The following KCNQ3 variants were observed in gnomAD, a reference collection of about 807,000 sequenced individuals.
KCNQ3 encodes the protein potassium voltage-gated channel subfamily KQT member 3.
Under a neutral mutation model 92.5 loss-of-function variants are expected in KCNQ3, and 30 were observed. The observed-to-expected ratio is 0.32, with a 90% CI of 0.24 to 0.44. The LOEUF (loss-of-function observed/expected upper bound fraction) is 0.44, where lower values mean the gene tolerates loss of function less well. KCNQ3 is among the 20% of genes least tolerant of loss of function. The probability of loss-of-function intolerance (pLI) is 1.00; values close to 1 mark genes in which losing one functional copy is unlikely to be tolerated. For synonymous variants in KCNQ3, 450 were observed against 468.8 expected (o/e 0.96, Z 0.52); for missense variants, 913 against 1,140.3 (o/e 0.80, Z 2.87).
At chr8:132,207,500 A>G (rs902521893) in intron 1 of KCNQ3, among the ~76,000 whole-genome samples, 2 of 152,204 alleles carry the variant, frequency 1.3e-5, no homozygotes, top group South Asian at 2.1e-4. Flanking sequence ...AATTACCTCA[A>G]GTAGGCATTT....
At chr8:132,476,611 C>T (rs1363665359) in intron 1 of KCNQ3, among the ~76,000 whole-genome samples, 1 of 152,198 alleles carries the variant, frequency 6.6e-6, no homozygotes, top group Non-Finnish European at 1.5e-5. Context: ...GCCAATTTCT[C>T]CCGTTTGCAA....
chr8:132,392,401 C>T (rs1190859141), intron 1 of KCNQ3, among the ~76,000 whole-genome samples: 2 of 152,074 alleles, frequency 1.3e-5, no homozygotes, highest in African/African-American at 4.8e-5. Context: ...CTTCCTAAAT[C>T]TTCCCCGGCC....
chr8:132,357,044 G>A (rs1819037583), intron 1 of KCNQ3, among the ~76,000 whole-genome samples: 1 of 149,996 alleles, frequency 6.7e-6, no homozygotes, highest in Non-Finnish European at 1.5e-5. Flanking sequence ...CAAAAACTAA[G>A]GGCCTTGGAA....
At chr8:132,438,548 G>A (rs1821454001) in intron 1 of KCNQ3, among the ~76,000 whole-genome samples, 1 of 152,078 alleles carries the variant, frequency 6.6e-6, no homozygotes. Context: ...CCTTACCCAA[G>A]GGAACCCCTG....
At position 132,428,149 on chromosome 8, in the gene KCNQ3, A is replaced by G. The variant is rs139991620; in HGVS notation, c.386+51998T>C. 1.1e-3 allele frequency among the ~76,000 whole-genome samples: 172 copies of G among 151,256 alleles called. No individual in the cohort carries two copies. In the East Asian group the frequency reaches 0.019, roughly 16 times the overall value. ...CTGCACCTCTGCTCTCTCAATACCC[A>G]TCTTCCTCTTTGAAACTGTCCTCCT... On this transcript the variant is annotated intron_variant, in intron 1 of 14. Coordinates refer to ENST00000388996, the MANE Select transcript of KCNQ3 (RefSeq NM_004519.4).
At chr8:132,468,559 G>A (rs1034636411) in intron 1 of KCNQ3, among the ~76,000 whole-genome samples, 5 of 152,268 alleles carry the variant, frequency 3.3e-5, no homozygotes, top group Non-Finnish European at 7.3e-5. Flanking sequence ...GGCACCTGCT[G>A]TAGCTGTTTA....
At chr8:132,283,824 T>G (rs1319953556) in intron 1 of KCNQ3, among the ~76,000 whole-genome samples, 1 of 152,266 alleles carries the variant, frequency 6.6e-6, no homozygotes, top group Admixed American at 6.5e-5. Flanking sequence ...AACTGGTTCC[T>G]GATAGCACCA....
intron 9 of KCNQ3, among the ~76,000 whole-genome samples, chr8:132,155,934 G>A (rs1028814881): frequency 6.6e-6 from 1 of 152,078 alleles, no homozygotes; most frequent in African/African-American, 2.4e-5. Flanking sequence ...TGTGTTAATT[G>A]GGTTCTCTCA....
At chr8:132,178,398 C>T (rs1220081485) in intron 4 of KCNQ3, among the ~76,000 whole-genome samples, 2 of 152,194 alleles carry the variant, frequency 1.3e-5, no homozygotes, top group Non-Finnish European at 2.9e-5. Flanking sequence ...TTTATGCTTT[C>T]ATTCCACTTT....
At chr8:132,420,357 G>A (rs1204328376) in intron 1 of KCNQ3, among the ~76,000 whole-genome samples, 4 of 152,128 alleles carry the variant, frequency 2.6e-5, no homozygotes, top group African/African-American at 9.7e-5. Flanking sequence ...GGTAAGTCCC[G>A]ATGTGCCTTA....
chr8:132,333,472 T>G (rs893070068), intron 1 of KCNQ3, among the ~76,000 whole-genome samples: 18 of 152,208 alleles, frequency 1.2e-4, no homozygotes, highest in African/African-American at 4.3e-4. Flanking sequence ...GAAGCCGATT[T>G]CCCTTTATAA....
intron 3 of KCNQ3, among the ~76,000 whole-genome samples, chr8:132,182,610 G>A (rs1010780278): frequency 1.3e-5 from 2 of 152,218 alleles, no homozygotes; most frequent in Non-Finnish European, 2.9e-5. Flanking sequence ...TCCCACTGTC[G>A]GGATGTTCTC....
At chr8:132,194,001 A>G (rs1827235421) in intron 1 of KCNQ3, among the ~76,000 whole-genome samples, 1 of 152,180 alleles carries the variant, frequency 6.6e-6, no homozygotes, top group Admixed American at 6.5e-5. Flanking sequence ...AAATCTCAGT[A>G]ACATTCCAGA....
Position 132,249,243 on chromosome 8 carries a change from T to G in KCNQ3, c.387-63062A>C, listed in dbSNP as rs183687962. Among the ~76,000 whole-genome samples the G allele has an allele frequency of 2.5e-3, 384 of 152,316 alleles. 1 individual carries two copies. The highest frequency in any genetic ancestry group is 8.7e-3 in the African/African-American group (360 of 41,576). On this transcript the variant is annotated intron_variant, in intron 1 of 14. Coordinates refer to ENST00000388996, the MANE Select transcript of KCNQ3 (RefSeq NM_004519.4). Reference sequence around the variant, plus strand: ...GTTGCCACTGCCAGCTGGGGCAGCCTGCTTTTATTCCCTTATCTGGCCCCA... The same window carrying G: ...GTTGCCACTGCCAGCTGGGGCAGCCGGCTTTTATTCCCTTATCTGGCCCCA...
At chr8:132,469,430 G>T (rs1822250059) in intron 1 of KCNQ3, among the ~76,000 whole-genome samples, 1 of 152,190 alleles carries the variant, frequency 6.6e-6, no homozygotes. Context: ...TGCCCATTTT[G>T]CAGACTGTAT....
chr8:132,367,124 G>T (rs533567978), intron 1 of KCNQ3, among the ~76,000 whole-genome samples: 44 of 152,346 alleles, frequency 2.9e-4, no homozygotes, highest in Admixed American at 2.7e-3. Context: ...GGAGAACTCT[G>T]ATTCTGAGGC....
At chr8:132,323,090 A>G (rs1472237409) in intron 1 of KCNQ3, among the ~76,000 whole-genome samples, 8 of 152,184 alleles carry the variant, frequency 5.3e-5, no homozygotes, top group Non-Finnish European at 8.8e-5. Context: ...CTCCACCCCA[A>G]GGAAGCAGGG....
At chr8:132,292,524 T>C (rs1468188124) in intron 1 of KCNQ3, among the ~76,000 whole-genome samples, 1 of 151,864 alleles carries the variant, frequency 6.6e-6, no homozygotes, top group Non-Finnish European at 1.5e-5. Context: ...AAGTAGCGTA[T>C]AAGTGGAGAT....
At chr8:132,197,714 G>C (rs767568807) in intron 1 of KCNQ3, among the ~76,000 whole-genome samples, 1 of 152,188 alleles carries the variant, frequency 6.6e-6, no homozygotes, top group Non-Finnish European at 1.5e-5. Flanking sequence ...CTATGTATCA[G>C]GCATGCTACG....
Sources: allele counts gnomAD v4.1 joint callset (sites outside exome capture counted in the v4.1 genomes callset), GRCh38; gene constraint gnomAD v4.1.1; transcripts MANE v1.5; gene names NCBI Gene and HGNC (gene_info 2026-07-23, HGNC 2026-07-21).